Variants in FNDC3A observed in about 807,000 individuals in gnomAD.
The protein encoded by FNDC3A is fibronectin type III domain containing 3A.
Under a neutral mutation model 148.9 loss-of-function variants are expected in FNDC3A, and 32 were observed. That is an observed-to-expected ratio of 0.21 (90% CI 0.16 to 0.29). The LOEUF is 0.29. Ranked by LOEUF, FNDC3A falls within the 10% of genes least tolerant of loss-of-function variation. FNDC3A has a pLI of 1.00. For synonymous variants in FNDC3A, 472 were observed against 473.6 expected, an observed-to-expected ratio of 1.00 and a Z score of 0.04; for missense variants, 1,191 against 1,452.8, an observed-to-expected ratio of 0.82 and a Z score of 2.93.
At position 49,191,215 on chromosome 13, in the gene FNDC3A, C is replaced by T; in HGVS notation, c.2057C>T (p.Pro686Leu). The T allele has an allele frequency of 1.2e-6, 2 of 1,608,560 alleles. No individual in the cohort carries two copies. Among genetic ancestry groups the T allele is most frequent in the South Asian group, 1.1e-5 (1 of 89,972 alleles). Residue 686 changes from proline to leucine, a missense_variant, in exon 19 of 26, where the codon CCT becomes CTT. Pro to Leu is a moderately conservative substitution (Grantham distance 98). Coordinates refer to ENST00000492622, the MANE Select transcript of FNDC3A (RefSeq NM_001079673.2). ...TAATCTTTCCATCTTTTAGGACCCC[C>T]TCTGGTTGATGGTGGATCACCCATT... ...AKEIQLRWGP[P>L]LVDGGSPISC...
chr13:49,005,943 A>G (rs1192039820), intron 1 of FNDC3A, among the ~76,000 whole-genome samples: 1 of 151,944 alleles, frequency 6.6e-6, no homozygotes, highest in East Asian at 1.9e-4. Flanking sequence ...CTTACTGACT[A>G]CTTTGACAAA....
chr13:49,203,333 A>G lies in FNDC3A; in HGVS notation c.3282+49A>G. 4.3e-6 allele frequency: 6 copies of G among 1,388,582 alleles called. No individual in the cohort carries two copies. In the South Asian group the frequency reaches 7.7e-5, roughly 18 times the overall value. 86.0% of individuals were successfully genotyped at this position (1,388,582 alleles called of 1,614,324 possible). On this transcript the variant is annotated intron_variant, in intron 25 of 25. Coordinates refer to ENST00000492622, the MANE Select transcript of FNDC3A (RefSeq NM_001079673.2). The stretch of plus-strand genomic sequence containing the variant: ...TGGATGCATATTTTTACCCTTTTTT[A>G]ATTTTTATGTATTTTCAGTGTAAGA...
chr13:49,160,461 G>A (rs549905857), intron 8 of FNDC3A, among the ~76,000 whole-genome samples: 29 of 152,246 alleles, frequency 1.9e-4, no homozygotes, highest in Non-Finnish European at 2.9e-4. Flanking sequence ...GATTGGTGGC[G>A]ATATCCCCTT....
chr13:49,188,657 T>C (rs1885715852), intron 17 of FNDC3A, 24 bp downstream of exon 17: 3 of 1,512,180 alleles, frequency 2.0e-6, no homozygotes, highest in African/African-American at 2.7e-5. Context: ...GTAGATTCTT[T>C]TGTGTTGTTA....
At chr13:49,073,238 A>G (rs996435860) in intron 2 of FNDC3A, among the ~76,000 whole-genome samples, 4 of 152,234 alleles carry the variant, frequency 2.6e-5, no homozygotes, top group African/African-American at 9.6e-5. Context: ...GCAACATATT[A>G]TAGTACAATA....
intron 3 of FNDC3A, among the ~76,000 whole-genome samples, chr13:49,082,604 A>G (rs1878551368): frequency 6.6e-6 from 1 of 152,124 alleles, no homozygotes; most frequent in East Asian, 1.9e-4. Context: ...TGAAGCTCTT[A>G]GGTGAGGCAG....
At chr13:49,048,792 T>G (rs1875611340) in intron 2 of FNDC3A, among the ~76,000 whole-genome samples, 1 of 152,166 alleles carries the variant, frequency 6.6e-6, no homozygotes, top group South Asian at 2.1e-4. Context: ...TCTTCACCAA[T>G]TTGGATGCCC....
At chr13:49,178,234 A>T (rs915615112) in intron 13 of FNDC3A, among the ~76,000 whole-genome samples, 1 of 152,198 alleles carries the variant, frequency 6.6e-6, no homozygotes, top group African/African-American at 2.4e-5. Flanking sequence ...TGTCTCTGGG[A>T]AATCTCTGTT....
chr13:49,004,614 C>T (rs1461097859), intron 1 of FNDC3A, among the ~76,000 whole-genome samples: 2 of 151,894 alleles, frequency 1.3e-5, no homozygotes, highest in African/African-American at 4.8e-5. Context: ...AGTTCATCTC[C>T]TGAAACCAAA....
At chr13:49,014,523 G>A (rs1321688798) in intron 2 of FNDC3A, among the ~76,000 whole-genome samples, 18 of 142,286 alleles carry the variant, frequency 1.3e-4, no homozygotes, top group South Asian at 4.7e-4. Context: ...AGTAGGTTGT[G>A]AAAATTTTCT....
intron 25 of FNDC3A, among the ~76,000 whole-genome samples, chr13:49,206,767 C>T (rs553744418): frequency 6.6e-6 from 1 of 152,304 alleles, no homozygotes; most frequent in Admixed American, 6.5e-5. Flanking sequence ...TGACTTCTTA[C>T]ATTTGAGAAA....
chr13:49,044,976 G>T, intron 2 of FNDC3A: 1 of 317,464 alleles, frequency 3.1e-6, no homozygotes. Context: ...TTTCACAAAT[G>T]GGGATATCTG....
rs1322427733 is a variant in FNDC3A, at chr13:49,172,072, A to G, written c.1206A>G (p.Gln402=). The G allele has an allele frequency of 6.2e-7, 1 of 1,607,196 alleles. No homozygotes were observed. Reference sequence around the variant, plus strand: ...CTAGTGACAATGGTTCTAAAATCCAAAACTTTGTATTAGAATGGGATGAAG... The same window carrying G: ...CTAGTGACAATGGTTCTAAAATCCAGAACTTTGTATTAGAATGGGATGAAG... ...KAPSDNGSKI[Q]NFVLEWDEGK... Residue 402 remains glutamine, a synonymous_variant, in exon 11 of 26, where the codon CAA becomes CAG. Coordinates refer to ENST00000492622, the MANE Select transcript of FNDC3A (RefSeq NM_001079673.2).
rs1293233827 is a variant in FNDC3A at position 49,144,132 on chromosome 13, T to C, written c.820-1646T>C. On this transcript the variant is annotated intron_variant, in intron 7 of 25. Transcript: ENST00000492622. ...TTCTCAAAGTTTAACACAACTATTATCATCCCATAAAATCAAGAGACACTT... is the reference window on the plus strand; with the variant it reads ...TTCTCAAAGTTTAACACAACTATTACCATCCCATAAAATCAAGAGACACTT... 2.0e-5 allele frequency among the ~76,000 whole-genome samples: 3 copies of C among 151,938 alleles called. No individual in the cohort carries two copies. In the East Asian group the frequency reaches 5.8e-4, roughly 29 times the overall value.
At chr13:49,178,956 G>C (rs770764794) in intron 14 of FNDC3A, among the ~76,000 whole-genome samples, 4 of 152,050 alleles carry the variant, frequency 2.6e-5, no homozygotes, top group African/African-American at 9.7e-5. Context: ...CACACTCCTC[G>C]GTTCAAGTGA....
chr13:49,167,878 C>T (rs1467111080), intron 9 of FNDC3A, among the ~76,000 whole-genome samples: 1 of 151,976 alleles, frequency 6.6e-6, no homozygotes, highest in Non-Finnish European at 1.5e-5. Context: ...TGGTTTGGCA[C>T]TGGAAACTTG....
At chr13:49,206,879 C>T (rs910846626) in intron 25 of FNDC3A, among the ~76,000 whole-genome samples, 5 of 152,244 alleles carry the variant, frequency 3.3e-5, no homozygotes, top group South Asian at 2.1e-4. Flanking sequence ...GGTAGATCCT[C>T]GCTTTTGAAA....
At chr13:49,087,233 A>G (rs980770512) in intron 3 of FNDC3A, among the ~76,000 whole-genome samples, 49 of 152,150 alleles carry the variant, frequency 3.2e-4, no homozygotes, top group African/African-American at 1.2e-3. Flanking sequence ...AAAATTTTTT[A>G]ATGACTGATG....
At chr13:49,177,564 T>C (rs1390529003) in intron 13 of FNDC3A, among the ~76,000 whole-genome samples, 1 of 152,168 alleles carries the variant, frequency 6.6e-6, no homozygotes, top group African/African-American at 2.4e-5. Flanking sequence ...CACATGTTCA[T>C]ACAAAAAAAT....
Sources: gnomAD v4.1 joint callset for allele counts (sites outside exome capture counted in the v4.1 genomes callset) on GRCh38, gnomAD v4.1.1 for gene constraint, MANE v1.5 for transcripts, NCBI Gene and HGNC (gene_info 2026-07-23, HGNC 2026-07-21) for gene names.